The following USP8 variants were observed in gnomAD, a reference collection of about 807,000 sequenced individuals.
USP8 encodes the protein ubiquitin specific peptidase 8.
USP8 carries 27 observed loss-of-function variants against 130.0 expected under a neutral mutation model. That is an observed-to-expected ratio of 0.21 (90% CI 0.15 to 0.29). The LOEUF (loss-of-function observed/expected upper bound fraction) is 0.29. USP8 is among the 10% of genes least tolerant of loss of function. USP8 has a pLI of 1.00. For missense variants in USP8, 1,029 were observed against 1,312.2 expected (o/e 0.78, Z 3.33); for synonymous variants, 392 against 444.1 (o/e 0.88, Z 1.48).
At chr15:50,445,077 TTTG>T (rs2050381387) in intron 3 of USP8, among the ~76,000 whole-genome samples, 1 of 152,094 alleles carries the variant, frequency 6.6e-6, no homozygotes, top group Non-Finnish European at 1.5e-5. Context: ...TTTTCTGTTT[TTTG>T]TTATATTTTT....
rs767017048 is a variant in USP8, at chr15:50,477,549, A to G, written c.1218+50A>G. On this transcript the variant is annotated intron_variant, in intron 10 of 19. Transcript: ENST00000307179. Reference sequence around the variant, plus strand: ...TCTCGCTTTTGTTTTAATATTAAATATATAGTATAGCTGGGCACAGTGCCT... The same window carrying G: ...TCTCGCTTTTGTTTTAATATTAAATGTATAGTATAGCTGGGCACAGTGCCT... 2.4e-5 allele frequency: 37 copies of G among 1,521,512 alleles called. No homozygotes were observed. The East Asian group carries it at 8.2e-4, about 34-fold the overall frequency. The allele number at this position is 1,521,512 out of a possible 1,614,324, so 94.3% of individuals were successfully genotyped here. A position where few individuals can be genotyped will look rare whatever the true frequency, so the allele number is the denominator to read the frequency against.
At chr15:50,429,821 CTA>C (rs2049872130) in intron 1 of USP8, among the ~76,000 whole-genome samples, 1 of 152,064 alleles carries the variant, frequency 6.6e-6, no homozygotes, top group African/African-American at 2.4e-5. Context: ...GGATTGAGAA[CTA>C]TGTTTTTGGT....
At chr15:50,440,712 C>A (rs72738962) in intron 2 of USP8, among the ~76,000 whole-genome samples, 2 of 151,978 alleles carry the variant, frequency 1.3e-5, no homozygotes, top group African/African-American at 2.4e-5. Context: ...ATAAAGAATG[C>A]GCAACCTTGG....
rs1483729123 is a variant in USP8 at position 50,489,935 on chromosome 15, A to G, written c.1971+54A>G. 4.3e-6 allele frequency: 6 copies of G among 1,409,194 alleles called. No homozygotes were observed. The African/African-American group carries it at 7.3e-5, about 17-fold the overall frequency. The allele number at this position is 1,409,194 out of a possible 1,614,324, so 87.3% of individuals were successfully genotyped here. A position where few individuals can be genotyped will look rare whatever the true frequency, so the allele number is the denominator to read the frequency against. ...CCACTGTGTTCCTAAAAAATGTTTT[A>G]TTTGTTTATTTTACATCTTCTGTAA... On this transcript the variant is annotated intron_variant, in intron 13 of 19. Transcript: ENST00000307179.
chr15:50,453,794 ATAGT>A (rs1450851449), intron 4 of USP8, among the ~76,000 whole-genome samples: 4 of 150,800 alleles, frequency 2.7e-5, no homozygotes, highest in African/African-American at 9.8e-5. Flanking sequence ...TTTTAGGCAC[ATAGT>A]TACAGTTTCT....
At chr15:50,484,015 T>C (rs1211172974) in intron 11 of USP8, among the ~76,000 whole-genome samples, 1 of 152,118 alleles carries the variant, frequency 6.6e-6, no homozygotes, top group African/African-American at 2.4e-5. Flanking sequence ...CAGCATTTTA[T>C]ACTTGGCCAT....
In USP8 at chr15:50,462,576, C is replaced by G. The variant is rs1030504465; in HGVS notation, c.541+254C>G. Among the ~76,000 whole-genome samples the G allele has an allele frequency of 3.3e-5, 5 of 152,254 alleles. No homozygotes were observed. The South Asian group carries it at 1.0e-3, about 32-fold the overall frequency. On this transcript the variant is annotated intron_variant, in intron 6 of 19. Transcript: ENST00000307179. ...CTGGTCATATGCAGTTGAAAAATGT[C>G]AAAACCAAAGCTTGTACTTGTTTTC... is the stretch of plus-strand genomic sequence containing the variant.
rs189696889 is a variant in USP8 at position 50,439,222 on chromosome 15, T to C, written c.104+45T>C. 467 of 1,213,258 alleles carry C rather than the reference T, an allele frequency of 3.8e-4. 1 individual carries two copies. The African/African-American group carries it at 6.4e-3, about 17-fold the overall frequency. 75.2% of individuals were successfully genotyped at this position (1,213,258 alleles called of 1,614,324 possible). A position where few individuals can be genotyped will look rare whatever the true frequency, so the allele number is the denominator to read the frequency against. ...AGTTTGATTGAATCAAATATTAATT[T>C]TTAGTTCGTTTCCATATTAAAGTTA... On this transcript the variant is annotated intron_variant, in intron 2 of 19. Coordinates refer to ENST00000307179, the MANE Select transcript of USP8 (RefSeq NM_005154.5).
In USP8 at chr15:50,477,109, T is replaced by A. The variant is rs1023345053; in HGVS notation, c.994+116T>A. ...TTGTCCTATTAGAGAGCAGTTTGTTTTCAGGCATAAAAATATAAGCCTGGA... is the reference window on the plus strand; with the variant it reads ...TTGTCCTATTAGAGAGCAGTTTGTTATCAGGCATAAAAATATAAGCCTGGA... On this transcript the variant is annotated intron_variant, in intron 9 of 19. Transcript: ENST00000307179. 12 of 1,417,092 alleles carry A rather than the reference T, an allele frequency of 8.5e-6. No homozygotes were observed. In the African/African-American group the frequency reaches 1.6e-4, roughly 19 times the overall value. The allele number at this position is 1,417,092 out of a possible 1,614,324, so 87.8% of individuals were successfully genotyped here.
chr15:50,481,499 C>T lies in USP8; in HGVS notation c.1237C>T (p.Pro413Ser). 6.3e-7 allele frequency: 1 copy of T among 1,586,858 alleles called. No individual in the cohort carries two copies. Among genetic ancestry groups the T allele is most frequent in the Non-Finnish European group, 8.5e-7 (1 of 1,171,092 alleles). Residue 413 changes from proline (P) to serine (S), a missense_variant, in exon 11 of 20, where the codon CCA becomes TCA. Transcript: ENST00000307179. Reference protein sequence around the residue: ...NVPQIDRTKKPAVKLPEEHRI... With the variant: ...NVPQIDRTKKSAVKLPEEHRI... ...GCTCTAGATTGATCGTACTAAAAAA[C>T]CAGCAGTCAAATTGCCTGAAGAGCA...
intron 7 of USP8, 81 bp downstream of exon 7, chr15:50,465,272 C>G: frequency 2.1e-6 from 3 of 1,438,102 alleles, no homozygotes; most frequent in Middle Eastern, 1.8e-4. Flanking sequence ...TACTTAGCAT[C>G]CAAGCTAAAT....
chr15:50,489,151 A>G (rs1216988798), intron 12 of USP8, among the ~76,000 whole-genome samples: 1 of 152,206 alleles, frequency 6.6e-6, no homozygotes, highest in Non-Finnish European at 1.5e-5. Flanking sequence ...ATGCCTCAAT[A>G]TATTGGCTTG....
At chr15:50,487,176 A>G (rs2051994490) in intron 12 of USP8, among the ~76,000 whole-genome samples, 3 of 152,146 alleles carry the variant, frequency 2.0e-5, no homozygotes, top group African/African-American at 7.2e-5. Flanking sequence ...CTGTACCCCA[A>G]TAACCTATGG....
chr15:50,493,866 C>T, intron 15 of USP8: 2 of 725,348 alleles, frequency 2.8e-6, no homozygotes, highest in Non-Finnish European at 4.9e-6. Context: ...CCATGCAGGG[C>T]TTGCAGCCAA....
Position 50,508,069 on chromosome 15 carries a change from CAAAAAAAAAAAA to C in USP8, c.*8995_*9006del, listed in dbSNP as rs542709964. On this transcript the variant is annotated 3_prime_UTR_variant, in exon 20 of 20. Coordinates refer to ENST00000307179, the MANE Select transcript of USP8 (RefSeq NM_005154.5). Reference sequence around the variant, plus strand: ...CGGGCGACAGTGCAAGACTCTGTCTCAAAAAAAAAAAAAAAAAAAAAAAAAGATTAGTTTAAT... The same window carrying C: ...CGGGCGACAGTGCAAGACTCTGTCTCAAAAAAAAAAAAAGATTAGTTTAAT... The C allele has an allele frequency of 4.5e-5, 3 of 66,722 alleles. No homozygotes were observed. The highest frequency in any genetic ancestry group is 1.9e-4 in the African/African-American group (3 of 15,848). The allele number at this position is 66,722 out of a possible 1,614,324, so 4.1% of individuals were successfully genotyped here. A position where few individuals can be genotyped will look rare whatever the true frequency, so the allele number is the denominator to read the frequency against.
chr15:50,438,189 C>T (rs569858183), intron 1 of USP8, among the ~76,000 whole-genome samples: 1 of 152,320 alleles, frequency 6.6e-6, no homozygotes, highest in African/African-American at 2.4e-5. Context: ...TTCCCATCCC[C>T]TGCTCCAAGT....
In USP8 at chr15:50,450,991, G is replaced by T. The variant is rs2050613706; in HGVS notation, c.335+1506G>T. Among the ~76,000 whole-genome samples, 3 of 152,086 alleles carry T rather than the reference G, an allele frequency of 2.0e-5. No homozygotes were observed. In the South Asian group the frequency reaches 6.2e-4, roughly 32 times the overall value. On this transcript the variant is annotated intron_variant, in intron 4 of 19. Coordinates refer to ENST00000307179, the MANE Select transcript of USP8 (RefSeq NM_005154.5). ...CCTGGTTAGTGAAAAACAGCAAACTGAGAGCTGTTTGATGCAAATAATAAA... is the reference window on the plus strand; with the variant it reads ...CCTGGTTAGTGAAAAACAGCAAACTTAGAGCTGTTTGATGCAAATAATAAA...
In USP8 at chr15:50,505,896, T is replaced by C. The variant is rs1340941574; in HGVS notation, c.*6808T>C. 6.6e-6 allele frequency: 1 copy of C among 152,266 alleles called. No homozygotes were observed. The highest frequency in any genetic ancestry group is 6.5e-5 in the Admixed American group (1 of 15,268). The allele number at this position is 152,266 out of a possible 1,614,324, so 9.4% of individuals were successfully genotyped here. ...CCCTTAAGCCCAGAGTTCAAAACTG[T>C]AGTGAGCTATGATTCATTGCACTAG... On this transcript the variant is annotated 3_prime_UTR_variant, in exon 20 of 20. Coordinates refer to ENST00000307179, the MANE Select transcript of USP8 (RefSeq NM_005154.5).
At chr15:50,452,656 G>T (rs11634832) in intron 4 of USP8, among the ~76,000 whole-genome samples, 20,796 of 152,136 alleles carry the variant, frequency 0.14, 1,950 homozygotes, top group Middle Eastern at 0.28. Flanking sequence ...GACTCCCTGG[G>T]TATGGATCCC....
Sources: gnomAD v4.1 joint callset for allele counts (sites outside exome capture counted in the v4.1 genomes callset) on GRCh38, gnomAD v4.1.1 for gene constraint, MANE v1.5 for transcripts, NCBI Gene and HGNC (gene_info 2026-07-23, HGNC 2026-07-21) for gene names.